The following XPO4 variants were observed in gnomAD, a reference collection of about 807,000 sequenced individuals.
The protein encoded by XPO4 is exportin-4.
Under a neutral mutation model 143.0 loss-of-function variants are expected in XPO4, and 39 were observed. The ratio of observed to expected loss-of-function variants is 0.27; its 90% CI spans 0.21 to 0.36. The LOEUF (loss-of-function observed/expected upper bound fraction) is 0.36, where lower values mean the gene tolerates loss of function less well. Among genes scored for constraint, XPO4 ranks in the 10% least tolerant of loss-of-function variants. The pLI, the probability that XPO4 is intolerant of heterozygous loss-of-function variation, is 1.00. For missense variants in XPO4, 907 were observed against 1,348.0 expected (o/e 0.67, Z 5.12); for synonymous variants, 439 against 474.0 (o/e 0.93, Z 0.96).
chr13:20,789,481 G>A (rs1274514277), intron 19 of XPO4, among the ~76,000 whole-genome samples: 3 of 148,062 alleles, frequency 2.0e-5, no homozygotes, highest in East Asian at 2.0e-4. Flanking sequence ...TGCAAGCTCC[G>A]CCTCCCGGGT....
At chr13:20,787,671 G>C in intron 20 of XPO4, 73 bp from the exon 21 acceptor site, 1 of 1,224,694 alleles carries the variant, frequency 8.2e-7, no homozygotes, top group East Asian at 2.4e-5. Flanking sequence ...ATTATAGCTA[G>C]TATTAAATGG....
intron 6 of XPO4, among the ~76,000 whole-genome samples, chr13:20,829,172 A>C (rs2059822672): frequency 6.6e-6 from 1 of 152,124 alleles, no homozygotes; most frequent in Non-Finnish European, 1.5e-5. Context: ...TGCCCAGGGA[A>C]GTCTTGAACT....
intron 22 of XPO4, among the ~76,000 whole-genome samples, chr13:20,785,107 A>G (rs1381033130): frequency 6.6e-6 from 1 of 152,172 alleles, no homozygotes; most frequent in African/African-American, 2.4e-5. Context: ...GCCTCAATCA[A>G]TCCACCCACC....
chr13:20,887,708 T>G (rs960811770), intron 1 of XPO4, among the ~76,000 whole-genome samples: 3 of 150,584 alleles, frequency 2.0e-5, no homozygotes, highest in African/African-American at 7.3e-5. Context: ...TAAAAAAATT[T>G]CAATTAGCCT....
chr13:20,855,466 A>G (rs1475723800), intron 4 of XPO4, among the ~76,000 whole-genome samples, 161 bp downstream of exon 4: 3 of 151,950 alleles, frequency 2.0e-5, no homozygotes, highest in Non-Finnish European at 2.9e-5. Context: ...CAAGGGAAAA[A>G]AAAAAAAAAA....
chr13:20,891,714 AT>A (rs1257870868), intron 1 of XPO4, among the ~76,000 whole-genome samples: 1 of 151,846 alleles, frequency 6.6e-6, no homozygotes, highest in East Asian at 2.0e-4. Context: ...ATACAAAAAA[AT>A]AGCCAGGCGT....
At chr13:20,887,070 C>G (rs1197980530) in intron 1 of XPO4, among the ~76,000 whole-genome samples, 1 of 144,532 alleles carries the variant, frequency 6.9e-6, no homozygotes, top group Non-Finnish European at 1.5e-5. Flanking sequence ...AACTCCGTCT[C>G]AAAAAAAAAA....
chr13:20,898,184 C>T (rs2060587126), intron 1 of XPO4, among the ~76,000 whole-genome samples: 1 of 152,162 alleles, frequency 6.6e-6, no homozygotes, highest in Non-Finnish European at 1.5e-5. Context: ...TAACCAGATT[C>T]CACTATAATA....
chr13:20,786,930 G>A (rs1318095979), intron 22 of XPO4, 35 bp downstream of exon 22: 4 of 1,514,672 alleles, frequency 2.6e-6, no homozygotes, highest in Non-Finnish European at 3.6e-6. Flanking sequence ...AAAATAGAAT[G>A]AGAAGAGTCC....
At chr13:20,833,970 C>T (rs545389430) in intron 6 of XPO4, among the ~76,000 whole-genome samples, 6 of 152,112 alleles carry the variant, frequency 3.9e-5, no homozygotes, top group Non-Finnish European at 7.4e-5. Flanking sequence ...AGGACACTTT[C>T]TTTGCACAAC....
Position 20,783,456 on chromosome 13 carries a change from T to C in XPO4, c.*266A>G, listed in dbSNP as rs1228412126. The C allele has an allele frequency of 1.6e-5, 8 of 492,858 alleles. No homozygotes were observed. The highest frequency in any genetic ancestry group is 2.6e-5 in the Non-Finnish European group (7 of 274,316). 30.5% of individuals were successfully genotyped at this position (492,858 alleles called of 1,614,324 possible). On this transcript the variant is annotated 3_prime_UTR_variant, in exon 23 of 23. Transcript: ENST00000255305. ...TGGTGCCCATATCTGTTTGCACATA[T>C]ATGGAATTTCATTTTGAAAATTTTA...
At chr13:20,851,579 T>G in intron 4 of XPO4, 1 of 486,386 alleles carries the variant, frequency 2.1e-6, no homozygotes, top group Non-Finnish European at 2.7e-6. Flanking sequence ...TGTGGTGGCA[T>G]GCACCTGTAG....
At chr13:20,863,398 TA>T (rs2060218326) in intron 2 of XPO4, among the ~76,000 whole-genome samples, 1 of 152,114 alleles carries the variant, frequency 6.6e-6, no homozygotes, top group Admixed American at 6.5e-5. Flanking sequence ...TAAAAAACAA[TA>T]TAAGTCACAT....
At chr13:20,861,777 C>CTCTTTT (rs1370810623) in intron 3 of XPO4, among the ~76,000 whole-genome samples, 1 of 73,394 alleles carries the variant, frequency 1.4e-5, no homozygotes, top group African/African-American at 4.8e-5. Context: ...ACATTTCTCT[C>CTCTTTT]TTTTTTTTTT....
intron 1 of XPO4, among the ~76,000 whole-genome samples, chr13:20,882,688 G>A (rs2060423820): frequency 6.6e-6 from 1 of 152,044 alleles, no homozygotes; most frequent in African/African-American, 2.4e-5. Flanking sequence ...AGGAGTTTGG[G>A]ACCAGCCTGG....
intron 9 of XPO4, among the ~76,000 whole-genome samples, chr13:20,820,093 AAATT>A (rs763038007): frequency 2.6e-5 from 4 of 152,366 alleles, no homozygotes; most frequent in African/African-American, 4.8e-5. Context: ...GCTCAATTAA[AAATT>A]AATTAAAAGA....
intron 4 of XPO4, chr13:20,851,893 A>G (rs2060093587): frequency 1.0e-6 from 1 of 985,216 alleles, no homozygotes; most frequent in Non-Finnish European, 1.2e-6. Flanking sequence ...CATTCTCAGA[A>G]GATCAGTTAT....
intron 4 of XPO4, chr13:20,851,568 G>A (rs765254983): frequency 1.5e-5 from 8 of 526,398 alleles, no homozygotes; most frequent in African/African-American, 2.1e-5. Context: ...AATTAGCTCA[G>A]TGTGGTGGCA....
chr13:20,884,681 G>A lies in XPO4; in HGVS notation c.70-15980C>T, dbSNP rs561550189. On this transcript the variant is annotated intron_variant, in intron 1 of 22. Coordinates refer to ENST00000255305, the MANE Select transcript of XPO4 (RefSeq NM_022459.5). ...TCCTGCCTCAGCCTCCCAAAATTCT[G>A]GGATTAGAGGCATGAGCAACTGCAC... Among the ~76,000 whole-genome samples, 46 of 152,200 alleles carry A rather than the reference G, an allele frequency of 3.0e-4. No homozygotes were observed. In the South Asian group the frequency reaches 6.0e-3, roughly 20 times the overall value.
Sources: gnomAD v4.1 joint callset for allele counts (sites outside exome capture counted in the v4.1 genomes callset) on GRCh38, gnomAD v4.1.1 for gene constraint, MANE v1.5 for transcripts, NCBI Gene and HGNC (gene_info 2026-07-23, HGNC 2026-07-21) for gene names.